OSBPL5: variants seen among roughly 807,000 people sequenced by gnomAD.
OSBPL5 encodes oxysterol binding protein like 5.
OSBPL5 carries 71 observed loss-of-function variants against 111.2 expected under a neutral mutation model. That is an observed-to-expected ratio of 0.64 (90% CI 0.53 to 0.78). The LOEUF (loss-of-function observed/expected upper bound fraction) is 0.78. Ranked by LOEUF, OSBPL5 falls within the 30% of genes least tolerant of loss-of-function variation. OSBPL5 has a pLI of 0.00. For missense variants in OSBPL5, 1,210 were observed against 1,189.3 expected, an observed-to-expected ratio of 1.02 and a Z score of -0.26; for synonymous variants, 549 against 513.9, an observed-to-expected ratio of 1.07 and a Z score of -0.93.
intron 1 of OSBPL5, among the ~76,000 whole-genome samples, chr11:3,148,394 GC>G (rs1359960431): frequency 6.6e-6 from 1 of 152,216 alleles, no homozygotes; most frequent in Non-Finnish European, 1.5e-5. Flanking sequence ...GAGAGGAAGT[GC>G]CCCTCCCATG....
chr11:3,143,352 C>T (rs1357400443), intron 1 of OSBPL5, among the ~76,000 whole-genome samples: 5 of 152,138 alleles, frequency 3.3e-5, no homozygotes, highest in Non-Finnish European at 7.4e-5. Flanking sequence ...AACGCACGGA[C>T]GCGACACACC....
rs1045445785 is a variant in OSBPL5, at chr11:3,092,411, T to C, written c.2259+21A>G. On this transcript the variant is annotated intron_variant, in intron 19 of 21. Coordinates refer to ENST00000263650, the MANE Select transcript of OSBPL5 (RefSeq NM_020896.4). This position sits in a 1 kb window ranked among gnomAD's most constrained non-coding sequence, Gnocchi z 5.4. ...ACGTGCAGCTAAGACCAGCCCTGGG[T>C]GGGGCCTGTGGGGTGCTGACCTCGT... The C allele has an allele frequency of 1.2e-5, 19 of 1,559,838 alleles. No homozygotes were observed. In the African/African-American group the frequency reaches 2.2e-4, roughly 18 times the overall value.
chr11:3,100,321 C>T (rs757748327), intron 13 of OSBPL5, 65 bp from the exon 14 acceptor site: 16 of 1,443,494 alleles, frequency 1.1e-5, no homozygotes, highest in Non-Finnish European at 1.5e-5. Context: ...GAGGCCACCC[C>T]TAAGTCACAG....
intron 1 of OSBPL5, among the ~76,000 whole-genome samples, chr11:3,151,222 G>C (rs916783717): frequency 6.6e-6 from 1 of 152,162 alleles, no homozygotes; most frequent in African/African-American, 2.4e-5. Context: ...CGGAGGGAGC[G>C]CAGCCCTGCC....
In OSBPL5 at chr11:3,129,076, G is replaced by T; in HGVS notation, c.73C>A (p.Pro25Thr). 1.3e-6 allele frequency: 2 copies of T among 1,574,238 alleles called. No homozygotes were observed. Among genetic ancestry groups the T allele is most frequent in the Non-Finnish European group, 1.7e-6 (2 of 1,161,168 alleles). The change falls in exon 2 of 22, where the codon CCC becomes ACC. Residue 25 changes from proline (P) to threonine (T), a missense_variant. By Grantham distance (38) the Pro-to-Thr change is conservative. Transcript: ENST00000263650. ...PPSSTPQKVD[P>T]RKLTRNLLLS... Reference sequence around the variant, plus strand: ...AGCAAGTTCCGGGTGAGCTTCCGGGGGTCGACTTTCTGAGGGGTGGAGGAA... The same window carrying T: ...AGCAAGTTCCGGGTGAGCTTCCGGGTGTCGACTTTCTGAGGGGTGGAGGAA...
chr11:3,112,667 G>A (rs956326598), intron 7 of OSBPL5, among the ~76,000 whole-genome samples: 8 of 151,846 alleles, frequency 5.3e-5, no homozygotes, highest in Non-Finnish European at 1.2e-4. Flanking sequence ...ATTCAGTGTG[G>A]GCTCTTCCCA....
rs1564829596 is a variant in OSBPL5, at chr11:3,103,723, G to GCAACCCCCTTCCAGCCT, written c.1245-404_1245-403insAGGCTGGAAGGGGGTTG. ...GCCTGCGTACCCCCTTCCAGGCTCTGCTGCCCCTTCCTGCCTCTGCAACCC... is the reference window on the plus strand; with the variant it reads ...GCCTGCGTACCCCCTTCCAGGCTCTGCAACCCCCTTCCAGCCTCTGCCCCTTCCTGCCTCTGCAACCC... On this transcript the variant is annotated intron_variant, in intron 10 of 21. Transcript: ENST00000263650. 1.0e-4 allele frequency among the ~76,000 whole-genome samples: 8 copies of GCAACCCCCTTCCAGCCT among 80,216 alleles called. 2 individuals carry two copies. Among genetic ancestry groups the GCAACCCCCTTCCAGCCT allele is most frequent in the African/African-American group, 3.2e-4 (8 of 24,964 alleles). 52.6% of individuals were successfully genotyped at this position (80,216 alleles called of 152,430 possible).
intron 1 of OSBPL5, among the ~76,000 whole-genome samples, chr11:3,139,469 G>C (rs1846044412): frequency 6.6e-6 from 1 of 152,238 alleles, no homozygotes; most frequent in Non-Finnish European, 1.5e-5. Context: ...CAGTGATGGA[G>C]TTGAGCCCAT....
intron 19 of OSBPL5, among the ~76,000 whole-genome samples, chr11:3,091,103 A>G (rs1217628539): frequency 6.6e-6 from 1 of 152,234 alleles, no homozygotes; most frequent in Non-Finnish European, 1.5e-5. Context: ...GGAGGTTCAT[A>G]GGAACCCCAG....
rs1564830843 is a variant in OSBPL5, at chr11:3,103,880, G to GCAGCCCCC, written c.1244+312_1244+313insGGGGGCTG. 2.6e-3 allele frequency among the ~76,000 whole-genome samples: 58 copies of GCAGCCCCC among 22,050 alleles called. 4 individuals are homozygous for GCAGCCCCC. The highest frequency in any genetic ancestry group is 6.3e-3 in the South Asian group (8 of 1,274). 14.5% of individuals were successfully genotyped at this position (22,050 alleles called of 152,430 possible). On this transcript the variant is annotated intron_variant, in intron 10 of 21. Transcript: ENST00000263650. The stretch of plus-strand genomic sequence containing the variant: ...TCTGCGCAGCCCCCTTCCTGCCTCT[G>GCAGCCCCC]TAGCCCCATTCCTGCCTCTGCAGCC...
rs1037609207 is a variant in OSBPL5, at chr11:3,090,751, C to T, written c.2260-55G>A. ...AAGCCACCCACGCCCCCTGCCCAGG[C>T]CCCAGGGACATGGTGGCATGCTTAT... On this transcript the variant is annotated intron_variant, in intron 19 of 21. Coordinates refer to ENST00000263650, the MANE Select transcript of OSBPL5 (RefSeq NM_020896.4). 3.9e-6 allele frequency: 6 copies of T among 1,543,692 alleles called. No individual in the cohort carries two copies. In the South Asian group the frequency reaches 4.8e-5, roughly 12 times the overall value.
chr11:3,127,132 G>A (rs1161324357), intron 2 of OSBPL5, among the ~76,000 whole-genome samples: 1 of 152,222 alleles, frequency 6.6e-6, no homozygotes, highest in Non-Finnish European at 1.5e-5. Flanking sequence ...GTTTGCTTTG[G>A]TGCCAGTTTC....
Position 3,128,952 on chromosome 11 carries a change from G to A in OSBPL5, c.136+61C>T, listed in dbSNP as rs59084239. 3,257 of 1,400,530 alleles carry A rather than the reference G, an allele frequency of 2.3e-3. 68 individuals carry two copies. In the African/African-American group the frequency reaches 0.043, roughly 19 times the overall value. The allele number at this position is 1,400,530 out of a possible 1,614,324, so 86.8% of individuals were successfully genotyped here. ...GGGGCACAGAGGGGTTGGGCCGCCC[G>A]GGGTCACCCCACCGGGCCCAAGCTG... On this transcript the variant is annotated intron_variant, in intron 2 of 21. Coordinates refer to ENST00000263650, the MANE Select transcript of OSBPL5 (RefSeq NM_020896.4).
At chr11:3,090,829 T>C (rs1857031152) in intron 19 of OSBPL5, 133 bp from the exon 20 acceptor site, 1 of 1,179,862 alleles carries the variant, frequency 8.5e-7, no homozygotes, top group Non-Finnish European at 1.2e-6. Flanking sequence ...TGCTGGGCTG[T>C]GGAGCTGGCT....
intron 1 of OSBPL5, among the ~76,000 whole-genome samples, chr11:3,158,983 AAG>A (rs760021647): frequency 1.7e-4 from 26 of 152,038 alleles, no homozygotes; most frequent in Non-Finnish European, 3.2e-4. Context: ...GGGTGCCTTA[AAG>A]ATGGAGAAAC....
intron 13 of OSBPL5, among the ~76,000 whole-genome samples, chr11:3,101,395 G>T (rs1202416788): frequency 6.6e-6 from 1 of 152,154 alleles, no homozygotes; most frequent in African/African-American, 2.4e-5. Context: ...CCCTACAAAA[G>T]GTGCCCACTC....
In OSBPL5 at chr11:3,103,888, ATTCCTGCCTCTGCAGCCCCC is replaced by A. The variant is rs1239686597; in HGVS notation, c.1244+285_1244+304del. Among the ~76,000 whole-genome samples the A allele has an allele frequency of 5.3e-4, 55 of 102,936 alleles. 1 individual carries two copies. The highest frequency in any genetic ancestry group is 2.5e-3 in the East Asian group (11 of 4,424). The allele number at this position is 102,936 out of a possible 152,430, so 67.5% of individuals were successfully genotyped here. A position where few individuals can be genotyped will look rare whatever the true frequency, so the allele number is the denominator to read the frequency against. The stretch of plus-strand genomic sequence containing the variant: ...GCCCCCTTCCTGCCTCTGTAGCCCC[ATTCCTGCCTCTGCAGCCCCC>A]TTCCTGCCTCTGCAGCCCATCCCAT... On this transcript the variant is annotated intron_variant, in intron 10 of 21. Transcript: ENST00000263650.
At chr11:3,163,084 G>A (rs897127759) in intron 1 of OSBPL5, among the ~76,000 whole-genome samples, 3 of 152,112 alleles carry the variant, frequency 2.0e-5, no homozygotes, top group Admixed American at 6.5e-5. Flanking sequence ...CCTGGGCCTC[G>A]GCCCCTCTAC....
Position 3,162,232 on chromosome 11 carries a change from G to C in OSBPL5, c.-22+2984C>G, listed in dbSNP as rs980917602. On this transcript the variant is annotated intron_variant, in intron 1 of 21. Coordinates refer to ENST00000263650, the MANE Select transcript of OSBPL5 (RefSeq NM_020896.4). This position sits in a 1 kb window ranked among gnomAD's most constrained non-coding sequence, Gnocchi z 8.1. ...GTGGAGCTCCAGGCAAGAGCTGGTA[G>C]GGCCAGGAGGGGAGTGGAGGCCAGC... Among the ~76,000 whole-genome samples the C allele has an allele frequency of 3.3e-5, 5 of 152,186 alleles. No individual in the cohort carries two copies. Among genetic ancestry groups the C allele is most frequent in the Non-Finnish European group, 7.3e-5 (5 of 68,032 alleles).
Sources: allele counts gnomAD v4.1 joint callset (sites outside exome capture counted in the v4.1 genomes callset), GRCh38; gene constraint gnomAD v4.1.1; non-coding constraint Gnocchi (gnomAD v3.1); transcripts MANE v1.5; gene names NCBI Gene and HGNC (gene_info 2026-07-23, HGNC 2026-07-21).